CORO1C: variants seen among roughly 807,000 people sequenced by gnomAD.
CORO1C encodes the protein coronin-1C.
Under a neutral mutation model 51.2 loss-of-function variants are expected in CORO1C, and 14 were observed. The observed-to-expected ratio is 0.27, with a 90% CI of 0.18 to 0.43. CORO1C has a LOEUF of 0.43. CORO1C is among the 20% of genes least tolerant of loss of function. CORO1C has a pLI of 1.00. For synonymous variants in CORO1C, 181 were observed against 210.5 expected (o/e 0.86, Z 1.21); for missense variants, 417 against 607.8 (o/e 0.69, Z 3.30).
chr12:108,658,832 T>C lies in CORO1C; in HGVS notation c.536A>G (p.Asn179Ser). 2 of 1,614,030 alleles carry C rather than the reference T, an allele frequency of 1.2e-6. No homozygotes were observed. Among genetic ancestry groups the C allele is most frequent in the Non-Finnish European group, 8.5e-7 (1 of 1,179,860 alleles). The change falls in exon 5 of 11, where the codon AAT (asparagine) becomes AGT (serine). Residue 179 changes from asparagine (N) to serine (S), a missense_variant. Asn to Ser is a conservative substitution (Grantham distance 46, BLOSUM62 1). Transcript: ENST00000261401. The surrounding 1 kb of genome is among the most constrained non-coding windows in gnomAD (Gnocchi z 4.9). ...LDDMHSDMIY[N>S]VSWNRNGSLI... ...ACTGCCATTCCGGTTCCAGCTCACA[T>C]TGTAAATCATGTCTGAATGCATATC...
chr12:108,656,142 G>A (rs1401060072), intron 6 of CORO1C, among the ~76,000 whole-genome samples: 13 of 57,248 alleles, frequency 2.3e-4, no homozygotes, highest in African/African-American at 6.2e-4. Flanking sequence ...CCCTCCACCC[G>A]GCAGCCGCCC....
chr12:108,658,905 T>C lies in CORO1C; in HGVS notation c.463A>G (p.Ile155Val). 2 of 1,607,986 alleles carry C rather than the reference T, an allele frequency of 1.2e-6. No homozygotes were observed. Among genetic ancestry groups the C allele is most frequent in the Non-Finnish European group, 8.5e-7 (1 of 1,174,682 alleles). Residue 155 changes from isoleucine to valine, a missense_variant, in exon 5 of 11, where the codon ATT (isoleucine) becomes GTT (valine). Transcript: ENST00000261401. The surrounding 1 kb of genome is among the most constrained non-coding windows in gnomAD (Gnocchi z 4.9). ...VLLSAGCDNA[I>V]IIWNVGTGEA... ...CCTGTTCCCACATTCCAGATGATAA[T>C]GGCATTATCACAGCCTAAAACAGGC...
intron 8 of CORO1C, 123 bp downstream of exon 8, chr12:108,652,149 C>A: frequency 2.9e-6 from 2 of 681,938 alleles, no homozygotes; most frequent in Non-Finnish European, 4.5e-6. Flanking sequence ...GTGTACAATT[C>A]TACTACTTTC....
At chr12:108,714,576 C>T (rs2035276367) in intron 1 of CORO1C, among the ~76,000 whole-genome samples, 1 of 151,314 alleles carries the variant, frequency 6.6e-6, no homozygotes, top group Admixed American at 6.6e-5. Context: ...GCCTGGGCAA[C>T]ATGGCAAAAC....
chr12:108,726,972 A>T (rs2035608355), intron 1 of CORO1C, among the ~76,000 whole-genome samples: 1 of 152,240 alleles, frequency 6.6e-6, no homozygotes, highest in Non-Finnish European at 1.5e-5. Flanking sequence ...GAAGGGCAAA[A>T]GGGAGTTACC....
intron 3 of CORO1C, 73 bp downstream of exon 3, chr12:108,678,199 C>A: frequency 6.9e-7 from 1 of 1,456,536 alleles, no homozygotes; most frequent in Non-Finnish European, 9.4e-7. Flanking sequence ...TACACACACA[C>A]CCACACACAT....
chr12:108,650,706 T>C (rs2032608725), intron 8 of CORO1C, among the ~76,000 whole-genome samples: 1 of 152,248 alleles, frequency 6.6e-6, no homozygotes, highest in Admixed American at 6.5e-5. Context: ...AGCACAGTCC[T>C]GGCATACAAT....
At chr12:108,691,019 T>C (rs1443746276) in intron 2 of CORO1C, among the ~76,000 whole-genome samples, 9 of 151,304 alleles carry the variant, frequency 5.9e-5, no homozygotes, top group Non-Finnish European at 8.8e-5. Flanking sequence ...ATTGGTTTAA[T>C]CCACAGGTCT....
intron 6 of CORO1C, among the ~76,000 whole-genome samples, chr12:108,656,275 T>A (rs1404978010): frequency 1.4e-5 from 2 of 147,092 alleles, no homozygotes; most frequent in African/African-American, 5.1e-5. Context: ...AGCCACCCCG[T>A]CCGGGAGGGA....
In CORO1C at chr12:108,698,411, CT is replaced by C. The variant is rs923439618; in HGVS notation, c.195+2712del. Among the ~76,000 whole-genome samples the C allele has an allele frequency of 1.6e-4, 25 of 152,210 alleles. No individual in the cohort carries two copies. The East Asian group carries it at 4.4e-3, about 27-fold the overall frequency. On this transcript the variant is annotated intron_variant, in intron 2 of 10. Transcript: ENST00000261401. ...CTAGAATTTCCAAGGCAGAAAATAA[CT>C]TTTTTTTCTTTTTGAGACGGAGTCT...
chr12:108,703,085 A>C lies in CORO1C; in HGVS notation c.-5-1762T>G. 8 of 808,544 alleles carry C rather than the reference A, an allele frequency of 9.9e-6. No homozygotes were observed. The Admixed American group carries it at 2.7e-4, about 27-fold the overall frequency. The allele number at this position is 808,544 out of a possible 1,614,324, so 50.1% of individuals were successfully genotyped here. ...GTGGTGAAAAGCAAAAGGAAAGCAC[A>C]TCTATACAAAAGCCAACGTACAGCC... On this transcript the variant is annotated intron_variant, in intron 1 of 10. Transcript: ENST00000261401.
chr12:108,706,339 C>T (rs1261153692), intron 1 of CORO1C, among the ~76,000 whole-genome samples: 1 of 152,090 alleles, frequency 6.6e-6, no homozygotes, highest in African/African-American at 2.4e-5. Context: ...TATTCAATGG[C>T]GAAAGATGCC....
At chr12:108,664,230 T>C (rs748535930) in intron 3 of CORO1C, among the ~76,000 whole-genome samples, 13 of 152,198 alleles carry the variant, frequency 8.5e-5, no homozygotes, top group Non-Finnish European at 1.5e-4. Context: ...AACTTGTCAA[T>C]GAAAAATCAT....
At chr12:108,726,304 A>C (rs2035589707) in intron 1 of CORO1C, among the ~76,000 whole-genome samples, 2 of 151,266 alleles carry the variant, frequency 1.3e-5, no homozygotes, top group South Asian at 4.2e-4. Context: ...CTGTAGTCCC[A>C]GCTACTTGGG....
In CORO1C at chr12:108,713,083, GA is replaced by G. The variant is rs200644659; in HGVS notation, c.-5-11761del. Among the ~76,000 whole-genome samples, 4 of 150,274 alleles carry G rather than the reference GA, an allele frequency of 2.7e-5. No homozygotes were observed. In the East Asian group the frequency reaches 5.8e-4, roughly 22 times the overall value. On this transcript the variant is annotated intron_variant, in intron 1 of 10. Coordinates refer to ENST00000261401, the MANE Select transcript of CORO1C (RefSeq NM_014325.4). ...CAGATTCATACATGAGACATTCCAA[GA>G]AAAAAAAACATGCCTTACCTATTTT...
At chr12:108,700,272 T>C (rs966942720) in intron 2 of CORO1C, among the ~76,000 whole-genome samples, 1 of 152,126 alleles carries the variant, frequency 6.6e-6, no homozygotes, top group Admixed American at 6.5e-5. Context: ...ACCAAACTCA[T>C]TTTCCTCCTA....
chr12:108,652,509 G>C, intron 7 of CORO1C, 92 bp from the exon 8 acceptor site: 1 of 977,652 alleles, frequency 1.0e-6, no homozygotes. Context: ...CCCAGCAGTA[G>C]TTGGGACCCC....
chr12:108,730,627 GA>G (rs1402097437), intron 1 of CORO1C: 1 of 152,716 alleles, frequency 6.5e-6, no homozygotes, highest in Non-Finnish European at 1.5e-5. Context: ...ACACACCTCT[GA>G]ATCACCCAGT....
chr12:108,715,616 T>C, intron 1 of CORO1C, among the ~76,000 whole-genome samples: 1 of 148,818 alleles, frequency 6.7e-6, no homozygotes, highest in East Asian at 2.0e-4. Flanking sequence ...AGGCAGGCGC[T>C]ACCTGACCCG....
Sources: allele counts gnomAD v4.1 joint callset (sites outside exome capture counted in the v4.1 genomes callset), GRCh38; gene constraint gnomAD v4.1.1; non-coding constraint Gnocchi (gnomAD v3.1); transcripts MANE v1.5; gene names NCBI Gene and HGNC (gene_info 2026-07-23, HGNC 2026-07-21).